Variants in BICC1 observed in about 807,000 individuals in gnomAD.
BICC1 encodes the protein protein bicaudal C homolog 1.
Under a neutral mutation model 111.0 loss-of-function variants are expected in BICC1, and 43 were observed. The ratio of observed to expected loss-of-function variants is 0.39; its 90% CI spans 0.30 to 0.50. BICC1 has a LOEUF of 0.50. Ranked by LOEUF, BICC1 falls within the 20% of genes least tolerant of loss-of-function variation. The probability of loss-of-function intolerance (pLI) is 0.88; values close to 1 mark genes in which losing one functional copy is unlikely to be tolerated. For missense variants in BICC1, 1,091 were observed against 1,203.2 expected, an observed-to-expected ratio of 0.91 and a Z score of 1.38; for synonymous variants, 467 against 434.4, an observed-to-expected ratio of 1.07 and a Z score of -0.93.
intron 1 of BICC1, among the ~76,000 whole-genome samples, chr10:58,538,689 C>A (rs1385868228): frequency 6.6e-6 from 1 of 151,504 alleles, no homozygotes; most frequent in African/African-American, 2.4e-5. Context: ...GAGAAAAAAT[C>A]TGCGAATTTT....
chr10:58,824,666 T>A (rs981745172), intron 20 of BICC1, among the ~76,000 whole-genome samples: 1 of 152,008 alleles, frequency 6.6e-6, no homozygotes, highest in Non-Finnish European at 1.5e-5. Context: ...GGGGATTGAT[T>A]GTGTGTGTGT....
intron 1 of BICC1, among the ~76,000 whole-genome samples, chr10:58,601,447 A>C (rs903907667): frequency 1.3e-5 from 2 of 151,650 alleles, no homozygotes; most frequent in African/African-American, 4.8e-5. Flanking sequence ...TGTTTGAAAA[A>C]GTGTCTATAT....
intron 1 of BICC1, among the ~76,000 whole-genome samples, chr10:58,519,718 A>G (rs1489252457): frequency 6.6e-6 from 1 of 152,154 alleles, no homozygotes; most frequent in African/African-American, 2.4e-5. Flanking sequence ...CCTAAATACC[A>G]AAGAGGAAAC....
At position 58,528,229 on chromosome 10, in the gene BICC1, C is replaced by G. The variant is rs546795869; in HGVS notation, c.190+14896C>G. 1.6e-4 allele frequency among the ~76,000 whole-genome samples: 25 copies of G among 151,902 alleles called. No individual in the cohort carries two copies. In the Middle Eastern group the frequency reaches 0.01, roughly 62 times the overall value. On this transcript the variant is annotated intron_variant, in intron 1 of 20. Coordinates refer to ENST00000373886, the MANE Select transcript of BICC1 (RefSeq NM_001080512.3). Reference sequence around the variant, plus strand: ...GAAGTGCCAAACAGTTCTGCCTTACCCAAGTAAGGCAGAGCAGTTCTCCAT... The same window carrying G: ...GAAGTGCCAAACAGTTCTGCCTTACGCAAGTAAGGCAGAGCAGTTCTCCAT...
At chr10:58,757,236 T>G (rs1409660683) in intron 3 of BICC1, among the ~76,000 whole-genome samples, 1 of 152,218 alleles carries the variant, frequency 6.6e-6, no homozygotes. Context: ...TTTTATATAA[T>G]GTTCTGTGGA....
chr10:58,540,328 A>T (rs1158149336), intron 1 of BICC1, among the ~76,000 whole-genome samples: 1 of 151,858 alleles, frequency 6.6e-6, no homozygotes, highest in East Asian at 1.9e-4. Context: ...TATGAAACTA[A>T]GAGTTGGTTT....
intron 1 of BICC1, among the ~76,000 whole-genome samples, chr10:58,586,800 T>C (rs905040984): frequency 5.3e-5 from 8 of 152,160 alleles, no homozygotes; most frequent in African/African-American, 1.9e-4. Context: ...GGATATCATC[T>C]GGAAATATGT....
intron 1 of BICC1, among the ~76,000 whole-genome samples, chr10:58,579,549 G>A (rs1483645391): frequency 6.6e-6 from 1 of 152,138 alleles, no homozygotes; most frequent in East Asian, 1.9e-4. Context: ...CACTAGCTCT[G>A]ATTTTACAAT....
intron 1 of BICC1, among the ~76,000 whole-genome samples, chr10:58,528,712 C>T (rs929870210): frequency 3.3e-5 from 5 of 151,916 alleles, no homozygotes; most frequent in Admixed American, 6.6e-5. Flanking sequence ...CCACTGACTT[C>T]GCCACCTTGG....
chr10:58,513,435 G>A (rs1842151845), intron 1 of BICC1, 102 bp downstream of exon 1: 1 of 1,197,762 alleles, frequency 8.3e-7, no homozygotes, highest in Admixed American at 3.0e-5. Context: ...GCCTACGGCC[G>A]GCCGGTTTAG....
intron 19 of BICC1, among the ~76,000 whole-genome samples, chr10:58,819,048 A>G (rs1053002400): frequency 1.9e-4 from 29 of 152,194 alleles, no homozygotes; most frequent in Admixed American, 2.0e-4. Context: ...AGCAGGGGTC[A>G]GCAAACTGTG....
chr10:58,752,594 T>C (rs1842019899), intron 3 of BICC1, among the ~76,000 whole-genome samples: 1 of 152,206 alleles, frequency 6.6e-6, no homozygotes, highest in African/African-American at 2.4e-5. Context: ...CTCTTCTTCC[T>C]GAATCTTCTT....
rs1024673397 is a variant in BICC1, at chr10:58,513,154, A to G, written c.11A>G (p.Gln4Arg). The G allele has an allele frequency of 6.5e-7, 1 of 1,537,354 alleles. No homozygotes were observed. Residue 4 changes from glutamine to arginine, a missense_variant, in exon 1 of 21, where the codon CAG (glutamine) becomes CGG (arginine). Gln to Arg is a conservative substitution (Grantham distance 43). Transcript: ENST00000373886. MAA[Q>R]GEPGYLAAQS... ...CGCTGCGCGCCCACCATGGCCGCCCAGGGAGAGCCCGGCTACCTGGCGGCG... is the reference window on the plus strand; with the variant it reads ...CGCTGCGCGCCCACCATGGCCGCCCGGGGAGAGCCCGGCTACCTGGCGGCG...
intron 3 of BICC1, among the ~76,000 whole-genome samples, chr10:58,782,398 A>G (rs893885350): frequency 5.3e-5 from 8 of 152,218 alleles, no homozygotes; most frequent in African/African-American, 1.9e-4. Context: ...GGACCAATAC[A>G]TAAATGACTA....
rs182343862 is a variant in BICC1 at position 58,564,326 on chromosome 10, G to A, written c.190+50993G>A. Among the ~76,000 whole-genome samples the A allele has an allele frequency of 2.3e-3, 350 of 152,292 alleles. 1 individual carries two copies. Among genetic ancestry groups the A allele is most frequent in the Non-Finnish European group, 3.9e-3 (262 of 68,024 alleles). On this transcript the variant is annotated intron_variant, in intron 1 of 20. Transcript: ENST00000373886. ...TTCAGTGAGGCTTGAAGTGCTTGCT[G>A]ATCATGGTGTCTGAACCAGTGGGGC...
chr10:58,705,035 C>T (rs567115193), intron 3 of BICC1, among the ~76,000 whole-genome samples: 2 of 152,272 alleles, frequency 1.3e-5, no homozygotes, highest in South Asian at 2.1e-4. Flanking sequence ...CCGTATGGCT[C>T]ACTTGCTTGA....
At chr10:58,520,996 T>A (rs1842372725) in intron 1 of BICC1, among the ~76,000 whole-genome samples, 1 of 152,170 alleles carries the variant, frequency 6.6e-6, no homozygotes, top group Non-Finnish European at 1.5e-5. Context: ...ACTTAAATTC[T>A]ACACTGGGAT....
intron 2 of BICC1, among the ~76,000 whole-genome samples, chr10:58,646,921 CTT>C (rs926364323): frequency 6.6e-6 from 1 of 151,892 alleles, no homozygotes; most frequent in African/African-American, 2.4e-5. Context: ...TTCTTTCTCT[CTT>C]TCTTTCCTTT....
At chr10:58,734,391 A>C (rs1841406564) in intron 3 of BICC1, among the ~76,000 whole-genome samples, 1 of 152,228 alleles carries the variant, frequency 6.6e-6, no homozygotes, top group African/African-American at 2.4e-5. Context: ...TGAAATGCTG[A>C]CATGGTTGAA....
Sources: gnomAD v4.1 joint callset for allele counts (sites outside exome capture counted in the v4.1 genomes callset) on GRCh38, gnomAD v4.1.1 for gene constraint, MANE v1.5 for transcripts, NCBI Gene and HGNC (gene_info 2026-07-23, HGNC 2026-07-21) for gene names.